The following ATG7 variants were observed in gnomAD, a reference collection of about 807,000 sequenced individuals.
The protein encoded by ATG7 is ubiquitin-like modifier-activating enzyme ATG7.
Under a neutral mutation model 82.4 loss-of-function variants are expected in ATG7, and 70 were observed. That is an observed-to-expected ratio of 0.85 (90% CI 0.70 to 1.04). ATG7 has a LOEUF of 1.04. Ranked by LOEUF, ATG7 falls within the 50% of genes least tolerant of loss-of-function variation. The pLI is 0.00. For synonymous variants in ATG7, 287 were observed against 313.0 expected, an observed-to-expected ratio of 0.92 and a Z score of 0.88; for missense variants, 792 against 864.3, an observed-to-expected ratio of 0.92 and a Z score of 1.05.
intron 11 of ATG7, among the ~76,000 whole-genome samples, chr3:11,335,891 G>A (rs1479137934): frequency 6.6e-6 from 1 of 151,962 alleles, no homozygotes; most frequent in Non-Finnish European, 1.5e-5. Context: ...TAGAGTCGGG[G>A]TTTCACTGTG....
rs1946308526 is a variant in ATG7, at chr3:11,298,586, CT to C, written c.-10-95del. The C allele has an allele frequency of 7.3e-6, 9 of 1,229,414 alleles. No homozygotes were observed. The South Asian group carries it at 1.3e-4, about 18-fold the overall frequency. The allele number at this position is 1,229,414 out of a possible 1,614,324, so 76.2% of individuals were successfully genotyped here. ...AAGGTAGCCTGTAAACATCTCATTA[CT>C]TTTTGTTTGTTTGAATTAAACTTTA... On this transcript the variant is annotated intron_variant, in intron 3 of 20. Transcript: ENST00000693202.
chr3:11,547,620 A>G (rs2071406810), intron 20 of ATG7, among the ~76,000 whole-genome samples: 1 of 152,152 alleles, frequency 6.6e-6, no homozygotes, highest in South Asian at 2.1e-4. Context: ...TGGCTGAACC[A>G]TTTCACATTT....
At chr3:11,547,553 A>C (rs1006864867) in intron 20 of ATG7, among the ~76,000 whole-genome samples, 1 of 152,180 alleles carries the variant, frequency 6.6e-6, no homozygotes, top group African/African-American at 2.4e-5. Flanking sequence ...GAATTGTTGT[A>C]CCATATGGTA....
rs536698518 is a variant in ATG7, at chr3:11,293,050, A to G, written c.-10-5636A>G. Among the ~76,000 whole-genome samples, 7 of 152,326 alleles carry G rather than the reference A, an allele frequency of 4.6e-5. No homozygotes were observed. The East Asian group carries it at 1.2e-3, about 25-fold the overall frequency. The stretch of plus-strand genomic sequence containing the variant: ...GAATTAAGGTGATACTATTAAGCAA[A>G]CTAGGAAATACAGAGAAAGGGGCAG... On this transcript the variant is annotated intron_variant, in intron 3 of 20. Transcript: ENST00000693202.
chr3:11,559,470 G>A (rs762891548), downstream of ATG7: 31 of 1,547,030 alleles, frequency 2.0e-5, no homozygotes, highest in Admixed American at 3.0e-4. Flanking sequence ...GGGGAGGAGG[G>A]GTGTCAGTAT....
intron 20 of ATG7, among the ~76,000 whole-genome samples, chr3:11,438,923 T>C (rs1168538796): frequency 6.6e-6 from 1 of 152,204 alleles, no homozygotes; most frequent in Non-Finnish European, 1.5e-5. Context: ...CTAGGGGCTG[T>C]ATTTTTACAG....
intron 20 of ATG7, among the ~76,000 whole-genome samples, chr3:11,534,085 CA>C: frequency 6.6e-6 from 1 of 152,360 alleles, no homozygotes; most frequent in Non-Finnish European, 1.5e-5. Context: ...CCTCCCCCCC[CA>C]GGGGAAAGCT....
chr3:11,315,048 GAA>G (rs1949200996), intron 8 of ATG7, among the ~76,000 whole-genome samples: 1 of 152,158 alleles, frequency 6.6e-6, no homozygotes, highest in Non-Finnish European at 1.5e-5. Flanking sequence ...TCATAGGAGA[GAA>G]AGAATGTTTC....
chr3:11,296,018 T>C (rs1338519405), intron 3 of ATG7, among the ~76,000 whole-genome samples: 1 of 152,236 alleles, frequency 6.6e-6, no homozygotes, highest in Admixed American at 6.5e-5. Flanking sequence ...CCTCAGGTGA[T>C]CCACCCGCCT....
At chr3:11,341,990 T>C in intron 12 of ATG7, 145 bp from the exon 13 acceptor site, 1 of 993,976 alleles carries the variant, frequency 1.0e-6, no homozygotes, top group Admixed American at 3.3e-5. Flanking sequence ...TTCTCCTCCC[T>C]GCTTACCCTC....
rs573048281 is a variant in ATG7 at position 11,524,788 on chromosome 3, TAAAACA to T, written c.2080-30006_2080-30001del. On this transcript the variant is annotated intron_variant, in intron 20 of 20. Coordinates refer to ENST00000693202, the MANE Select transcript of ATG7 (RefSeq NM_001349232.2). ...GGCAACAGAGCAAAACCCTGTCATT[TAAAACA>T]AAAACAAAAACAAAAAAAAACAAAA... Among the ~76,000 whole-genome samples the T allele has an allele frequency of 1.8e-3, 277 of 151,772 alleles. 3 individuals carry two copies. The highest frequency in any genetic ancestry group is 5.4e-3 in the African/African-American group (222 of 41,252).
At chr3:11,538,640 C>T (rs182716433) in intron 20 of ATG7, among the ~76,000 whole-genome samples, 24 of 123,598 alleles carry the variant, frequency 1.9e-4, no homozygotes, top group East Asian at 1.6e-3. Context: ...CCCAGGAGTT[C>T]GAGACCACCC....
chr3:11,422,740 CTTTTTTT>C (rs557755646), intron 19 of ATG7, among the ~76,000 whole-genome samples: 11 of 49,556 alleles, frequency 2.2e-4, no homozygotes, highest in South Asian at 1.1e-3. Flanking sequence ...TCATTTCTAG[CTTTTTTT>C]TTTTTTTTTT....
intron 20 of ATG7, among the ~76,000 whole-genome samples, chr3:11,542,881 A>G (rs1489593812): frequency 1.3e-5 from 2 of 152,204 alleles, no homozygotes; most frequent in Non-Finnish European, 2.9e-5. Flanking sequence ...GTTCTGAGGC[A>G]TGAGACTGTT....
At chr3:11,558,548 C>T (rs370862899), downstream of ATG7, 49 of 1,527,454 alleles carry the variant, frequency 3.2e-5, no homozygotes, top group Non-Finnish European at 3.3e-5. Flanking sequence ...TTGGAGGAGG[C>T]GCTCCCTTCA....
chr3:11,408,816 A>T (rs1213844189), intron 19 of ATG7, among the ~76,000 whole-genome samples: 1 of 152,180 alleles, frequency 6.6e-6, no homozygotes. Context: ...CATTGGAATT[A>T]TGGGAGCTGC....
intron 16 of ATG7, among the ~76,000 whole-genome samples, chr3:11,362,108 C>G (rs567748239): frequency 6.6e-6 from 1 of 152,084 alleles, no homozygotes. Context: ...TCAACAAATA[C>G]GATTAGTGGT....
intron 7 of ATG7, among the ~76,000 whole-genome samples, chr3:11,310,312 T>C (rs2152714046): frequency 6.6e-6 from 1 of 152,330 alleles, no homozygotes; most frequent in East Asian, 1.9e-4. Context: ...GTGTGCTGTT[T>C]CACCACAGCA....
chr3:11,506,165 T>C (rs1223745093), intron 20 of ATG7, among the ~76,000 whole-genome samples: 1 of 152,162 alleles, frequency 6.6e-6, no homozygotes, highest in African/African-American at 2.4e-5. Context: ...GGTACGTTTG[T>C]GTATTAGTTA....
Sources: allele counts gnomAD v4.1 joint callset (sites outside exome capture counted in the v4.1 genomes callset), GRCh38; gene constraint gnomAD v4.1.1; transcripts MANE v1.5; gene names NCBI Gene and HGNC (gene_info 2026-07-23, HGNC 2026-07-21).